LRRC4C: variants seen among roughly 807,000 people sequenced by gnomAD.
LRRC4C encodes leucine-rich repeat-containing protein 4C.
LRRC4C carries 5 observed loss-of-function variants against 33.6 expected under a neutral mutation model. The observed-to-expected ratio is 0.15, with a 90% CI of 0.08 to 0.31. The LOEUF (loss-of-function observed/expected upper bound fraction) is 0.31. LRRC4C is among the 10% of genes least tolerant of loss of function. The probability of loss-of-function intolerance (pLI) is 1.00; values close to 1 mark genes in which losing one functional copy is unlikely to be tolerated. For missense variants in LRRC4C, 560 were observed against 796.7 expected, an observed-to-expected ratio of 0.70 and a Z score of 3.58; for synonymous variants, 329 against 302.0, an observed-to-expected ratio of 1.09 and a Z score of -0.93.
chr11:41,403,015 T>G (rs1051768142), intron 1 of LRRC4C, among the ~76,000 whole-genome samples: 1 of 152,106 alleles, frequency 6.6e-6, no homozygotes, highest in Admixed American at 6.6e-5. Flanking sequence ...TGCCCCTTAG[T>G]GTTCAACAGC....
At chr11:40,854,555 T>A (rs977661611) in intron 2 of LRRC4C, among the ~76,000 whole-genome samples, 1 of 152,154 alleles carries the variant, frequency 6.6e-6, no homozygotes, top group African/African-American at 2.4e-5. Flanking sequence ...AGCTGTGGAC[T>A]TTTTTCATTT....
intron 2 of LRRC4C, among the ~76,000 whole-genome samples, chr11:40,854,612 CT>C (rs375612283): frequency 3.0e-4 from 45 of 151,410 alleles, no homozygotes; most frequent in African/African-American, 9.2e-4. Context: ...CATACAATGC[CT>C]TTTTTTTCTG....
intron 1 of LRRC4C, among the ~76,000 whole-genome samples, chr11:41,262,983 A>G (rs1949032089): frequency 6.6e-6 from 1 of 152,012 alleles, no homozygotes; most frequent in Non-Finnish European, 1.5e-5. Flanking sequence ...TCTTAGTGTC[A>G]TGTTGCTTAT....
intron 1 of LRRC4C, among the ~76,000 whole-genome samples, chr11:41,309,266 T>C (rs1407359113): frequency 6.6e-6 from 1 of 152,182 alleles, no homozygotes; most frequent in African/African-American, 2.4e-5. Context: ...TTGTGCAGTC[T>C]GGTGAACTTG....
At chr11:40,556,433 T>C (rs1002031907) in intron 3 of LRRC4C, among the ~76,000 whole-genome samples, 2 of 152,208 alleles carry the variant, frequency 1.3e-5, no homozygotes, top group African/African-American at 4.8e-5. Context: ...TGAGACACTA[T>C]CATTCACTGG....
intron 1 of LRRC4C, among the ~76,000 whole-genome samples, chr11:40,937,790 T>C (rs905924703): frequency 1.3e-5 from 2 of 151,982 alleles, no homozygotes; most frequent in African/African-American, 4.8e-5. Flanking sequence ...CAGAGGCACA[T>C]GCCACCATGC....
intron 3 of LRRC4C, among the ~76,000 whole-genome samples, chr11:40,392,714 T>C (rs1390925428): frequency 1.3e-5 from 2 of 152,112 alleles, no homozygotes; most frequent in East Asian, 3.8e-4. Flanking sequence ...GTATTTATTG[T>C]CCTGAAGAAA....
chr11:41,265,212 A>T (rs1469646082), intron 1 of LRRC4C, among the ~76,000 whole-genome samples: 2 of 152,174 alleles, frequency 1.3e-5, no homozygotes, highest in Non-Finnish European at 2.9e-5. Flanking sequence ...CTCTTTGTGT[A>T]GCTCATCCAG....
At chr11:40,203,143 C>A (rs1387507402) in intron 5 of LRRC4C, among the ~76,000 whole-genome samples, 1 of 152,180 alleles carries the variant, frequency 6.6e-6, no homozygotes, top group South Asian at 2.1e-4. Flanking sequence ...TTCAATCATC[C>A]CTTTGTTACT....
At chr11:41,331,663 A>G (rs767448046) in intron 1 of LRRC4C, among the ~76,000 whole-genome samples, 1 of 152,098 alleles carries the variant, frequency 6.6e-6, no homozygotes, top group Non-Finnish European at 1.5e-5. Context: ...GGATCTTCTC[A>G]TACTTTTATT....
intron 3 of LRRC4C, among the ~76,000 whole-genome samples, chr11:40,627,103 G>A (rs1236815857): frequency 6.7e-6 from 1 of 148,296 alleles, no homozygotes; most frequent in South Asian, 2.1e-4. Flanking sequence ...TGGTTGGTGG[G>A]GTGGGTCAGG....
intron 5 of LRRC4C, among the ~76,000 whole-genome samples, chr11:40,146,586 G>A (rs75977919): frequency 0.014 from 2,149 of 152,204 alleles, 17 homozygotes; most frequent in Non-Finnish European, 0.023. Flanking sequence ...GCTGCATAAG[G>A]ACACTCTCCA....
At chr11:40,217,443 A>G (rs1340094381) in intron 5 of LRRC4C, among the ~76,000 whole-genome samples, 4 of 152,108 alleles carry the variant, frequency 2.6e-5, no homozygotes, top group African/African-American at 9.6e-5. Context: ...ATAGATTTTT[A>G]TAGTCAAAAG....
At chr11:40,874,160 T>C (rs1362635243) in intron 2 of LRRC4C, among the ~76,000 whole-genome samples, 1 of 152,198 alleles carries the variant, frequency 6.6e-6, no homozygotes, top group Non-Finnish European at 1.5e-5. Flanking sequence ...GTCAGATATG[T>C]ACAAGTTTAT....
chr11:41,319,726 T>C (rs1329773034), intron 1 of LRRC4C, among the ~76,000 whole-genome samples: 1 of 150,782 alleles, frequency 6.6e-6, no homozygotes, highest in African/African-American at 2.5e-5. Flanking sequence ...AATTTTTGTA[T>C]TTTTTGTAAA....
At chr11:40,697,802 G>T (rs192641425) in intron 2 of LRRC4C, among the ~76,000 whole-genome samples, 2 of 152,196 alleles carry the variant, frequency 1.3e-5, no homozygotes, top group Admixed American at 1.3e-4. Flanking sequence ...GGGTGCCATG[G>T]CTCACACCTG....
intron 1 of LRRC4C, among the ~76,000 whole-genome samples, chr11:41,416,252 T>A (rs146922555): frequency 3.3e-5 from 5 of 152,112 alleles, no homozygotes; most frequent in Non-Finnish European, 7.4e-5. Flanking sequence ...CTTCCCACCG[T>A]TTTACATGGG....
chr11:41,236,617 A>T, intron 1 of LRRC4C, among the ~76,000 whole-genome samples: 1 of 152,078 alleles, frequency 6.6e-6, no homozygotes. Flanking sequence ...TAGGGGGAAC[A>T]AGTGATATCT....
At chr11:41,402,107 C>T (rs1168203818) in intron 1 of LRRC4C, among the ~76,000 whole-genome samples, 1 of 151,920 alleles carries the variant, frequency 6.6e-6, no homozygotes, top group African/African-American at 2.4e-5. Flanking sequence ...TACTACAATA[C>T]AGTCTGATGA....
Sources: allele counts gnomAD v4.1 joint callset (sites outside exome capture counted in the v4.1 genomes callset), GRCh38; gene constraint gnomAD v4.1.1; transcripts MANE v1.5; gene names NCBI Gene and HGNC (gene_info 2026-07-23, HGNC 2026-07-21).